MCU: variants seen among roughly 807,000 people sequenced by gnomAD.
MCU encodes mitochondrial calcium uniporter.
Under a neutral mutation model 45.2 loss-of-function variants are expected in MCU, and 12 were observed. The ratio of observed to expected loss-of-function variants is 0.27; its 90% CI spans 0.17 to 0.43. The LOEUF is 0.43. Among genes scored for constraint, MCU ranks in the 20% least tolerant of loss-of-function variants. The pLI, the probability that MCU is intolerant of heterozygous loss-of-function variation, is 1.00. For synonymous variants in MCU, 160 were observed against 165.1 expected, an observed-to-expected ratio of 0.97 and a Z score of 0.24; for missense variants, 324 against 436.7, an observed-to-expected ratio of 0.74 and a Z score of 2.30.
intron 1 of MCU, among the ~76,000 whole-genome samples, chr10:72,810,638 G>A (rs1844528543): frequency 6.9e-6 from 1 of 144,146 alleles, no homozygotes; most frequent in Non-Finnish European, 1.5e-5. Flanking sequence ...CAGCTAGGTT[G>A]TTGTTGTTGT....
chr10:72,790,200 T>A (rs145787648), intron 1 of MCU, among the ~76,000 whole-genome samples: 7 of 152,316 alleles, frequency 4.6e-5, no homozygotes, highest in African/African-American at 1.7e-4. Context: ...CAGCAGCATT[T>A]TGGTCTAGGT....
In MCU at chr10:72,822,839, CA is replaced by C. The variant is rs552126064; in HGVS notation, c.151-11508del. ...TGGGCAACACAGTGAGACCCTGTCT[CA>C]AAAAAAAAAAATGACAGTATCAAGT... On this transcript the variant is annotated intron_variant, in intron 1 of 7. Coordinates refer to ENST00000373053, the MANE Select transcript of MCU (RefSeq NM_138357.3). 2.3e-3 allele frequency among the ~76,000 whole-genome samples: 306 copies of C among 132,576 alleles called. 3 individuals are homozygous for C. Among genetic ancestry groups the C allele is most frequent in the South Asian group, 0.016 (67 of 4,158 alleles). The allele number at this position is 132,576 out of a possible 152,430, so 87.0% of individuals were successfully genotyped here.
At chr10:72,828,194 T>C (rs913852030) in intron 1 of MCU, among the ~76,000 whole-genome samples, 1 of 152,204 alleles carries the variant, frequency 6.6e-6, no homozygotes, top group Non-Finnish European at 1.5e-5. Flanking sequence ...GGTTCATTTT[T>C]TATAAGCATT....
At chr10:72,769,907 G>C (rs1843780509) in intron 1 of MCU, among the ~76,000 whole-genome samples, 1 of 152,138 alleles carries the variant, frequency 6.6e-6, no homozygotes, top group Non-Finnish European at 1.5e-5. Flanking sequence ...ATTGATGTGA[G>C]ATCTTTTAAA....
intron 1 of MCU, among the ~76,000 whole-genome samples, chr10:72,752,559 T>C (rs1457055792): frequency 6.6e-6 from 1 of 152,046 alleles, no homozygotes; most frequent in Non-Finnish European, 1.5e-5. Flanking sequence ...GTAATAAACA[T>C]GAATAGCAAC....
intron 2 of MCU, among the ~76,000 whole-genome samples, chr10:72,841,422 C>T (rs769974983): frequency 3.5e-4 from 53 of 152,206 alleles, no homozygotes; most frequent in East Asian, 3.9e-4. Context: ...CTCAGCCTCC[C>T]GAGTAGCCGG....
At chr10:72,767,558 G>A (rs935237140) in intron 1 of MCU, among the ~76,000 whole-genome samples, 1 of 151,588 alleles carries the variant, frequency 6.6e-6, no homozygotes, top group Non-Finnish European at 1.5e-5. Context: ...ATGTTGCTTG[G>A]GTTGGTCTTG....
chr10:72,800,820 T>G (rs1437188997), intron 1 of MCU, among the ~76,000 whole-genome samples: 2 of 152,204 alleles, frequency 1.3e-5, no homozygotes, highest in African/African-American at 2.4e-5. Flanking sequence ...TGTTGGATTA[T>G]TTTTTAAATA....
At chr10:72,780,111 A>C (rs1474456412) in intron 1 of MCU, among the ~76,000 whole-genome samples, 1 of 152,226 alleles carries the variant, frequency 6.6e-6, no homozygotes, top group African/African-American at 2.4e-5. Context: ...AAAGGAATGA[A>C]ATACCGACAC....
chr10:72,834,879 C>T (rs1480915552), intron 2 of MCU, among the ~76,000 whole-genome samples: 2 of 152,078 alleles, frequency 1.3e-5, no homozygotes, highest in East Asian at 3.9e-4. Context: ...AGACTAGTCT[C>T]GAACCCACGT....
intron 2 of MCU, among the ~76,000 whole-genome samples, chr10:72,839,580 G>T (rs983434972): frequency 3.3e-5 from 5 of 151,858 alleles, no homozygotes; most frequent in African/African-American, 1.2e-4. Flanking sequence ...GTAGTATTCC[G>T]GTATATGGAA....
At chr10:72,845,098 A>G (rs1845102029) in intron 2 of MCU, among the ~76,000 whole-genome samples, 1 of 152,224 alleles carries the variant, frequency 6.6e-6, no homozygotes, top group Admixed American at 6.5e-5. Flanking sequence ...AAGTATTAGT[A>G]TAGGAAAGAT....
intron 6 of MCU, among the ~76,000 whole-genome samples, chr10:72,872,057 T>G (rs903887789): frequency 9.4e-5 from 14 of 148,328 alleles, no homozygotes; most frequent in African/African-American, 2.7e-4. Context: ...AGGAAAGGTG[T>G]TGTTGTTGTT....
At chr10:72,787,681 C>T (rs935381056) in intron 1 of MCU, among the ~76,000 whole-genome samples, 3 of 151,784 alleles carry the variant, frequency 2.0e-5, no homozygotes, top group African/African-American at 7.3e-5. Context: ...CTCTTAGCAG[C>T]CATAGACCTT....
At chr10:72,867,961 G>A (rs1406165390) in intron 4 of MCU, among the ~76,000 whole-genome samples, 1 of 151,866 alleles carries the variant, frequency 6.6e-6, no homozygotes, top group Admixed American at 6.6e-5. Context: ...CTTACTAAGG[G>A]GGAAAAAAAT....
chr10:72,770,453 C>T (rs1456588832), intron 1 of MCU, among the ~76,000 whole-genome samples: 1 of 152,042 alleles, frequency 6.6e-6, no homozygotes, highest in Admixed American at 6.6e-5. Flanking sequence ...CAATTTATCT[C>T]TATTTCCTCT....
chr10:72,798,202 A>G (rs1844281356), intron 1 of MCU, among the ~76,000 whole-genome samples: 2 of 152,238 alleles, frequency 1.3e-5, no homozygotes. Context: ...GTAAAGGCAG[A>G]AAAATTACTC....
At chr10:72,871,712 CCACT>C in intron 6 of MCU, 132 bp downstream of exon 6, 2 of 706,092 alleles carry the variant, frequency 2.8e-6, no homozygotes, top group East Asian at 5.4e-5. Flanking sequence ...CACACATGTG[CCACT>C]TGTGTATTAG....
At chr10:72,846,871 A>G (rs1021286691) in intron 2 of MCU, among the ~76,000 whole-genome samples, 3 of 152,198 alleles carry the variant, frequency 2.0e-5, no homozygotes, top group African/African-American at 7.2e-5. Flanking sequence ...ATGGAGAGGA[A>G]TAAAGCCTCC....
Sources: allele counts gnomAD v4.1 joint callset (sites outside exome capture counted in the v4.1 genomes callset), GRCh38; gene constraint gnomAD v4.1.1; transcripts MANE v1.5; gene names NCBI Gene and HGNC (gene_info 2026-07-23, HGNC 2026-07-21).